The following CCDC125 variants were observed in gnomAD, a reference collection of about 807,000 sequenced individuals.
The protein encoded by CCDC125 is coiled-coil domain-containing protein 125.
CCDC125 carries 43 observed loss-of-function variants against 57.4 expected under a neutral mutation model. That is an observed-to-expected ratio of 0.75 (90% CI 0.59 to 0.97). The LOEUF (loss-of-function observed/expected upper bound fraction) is 0.97. Among genes scored for constraint, CCDC125 ranks in the 50% least tolerant of loss-of-function variants. The pLI is 0.00. For synonymous variants in CCDC125, 187 were observed against 195.2 expected (o/e 0.96, Z 0.35); for missense variants, 563 against 595.7 (o/e 0.95, Z 0.57).
chr5:69,321,788 G>A (rs984638234), intron 1 of CCDC125, among the ~76,000 whole-genome samples: 3 of 152,092 alleles, frequency 2.0e-5, no homozygotes, highest in Admixed American at 6.6e-5. Flanking sequence ...CAATGCACTC[G>A]CACATAAATG....
chr5:69,281,907 T>G lies in CCDC125; in HGVS notation c.*822A>C, dbSNP rs1259131002. 1 of 151,862 alleles carries G rather than the reference T, an allele frequency of 6.6e-6. No individual in the cohort carries two copies. The highest frequency in any genetic ancestry group is 1.5e-5 in the Non-Finnish European group (1 of 67,974). 9.4% of individuals were successfully genotyped at this position (151,862 alleles called of 1,614,324 possible). A position where few individuals can be genotyped will look rare whatever the true frequency, so the allele number is the denominator to read the frequency against. The stretch of plus-strand genomic sequence containing the variant: ...ACTGTAATGTGTTTTTTTTTTTTTT[T>G]GAGACAGAGTTTCGCTCTTGTCGCC... On this transcript the variant is annotated 3_prime_UTR_variant, in exon 12 of 12. Transcript: ENST00000396496.
rs1756138962 is a variant in CCDC125, at chr5:69,300,108, C to T, written c.720G>A (p.Leu240=). The change falls in exon 8 of 12, where the codon TTG becomes TTA. Residue 240 remains leucine (L), a synonymous_variant. Transcript: ENST00000396496. Reference sequence around the variant, plus strand: ...TGATATCAAGCATGGCGAGGGCCTCCAAATACCGTTGATTCAAAACTAGGA... The same window carrying T: ...TGATATCAAGCATGGCGAGGGCCTCTAAATACCGTTGATTCAAAACTAGGA... ...SDNAVLNQRY[L]EALAMLDIKQ... The T allele has an allele frequency of 6.2e-7, 1 of 1,613,834 alleles. No individual in the cohort carries two copies. Among genetic ancestry groups the T allele is most frequent in the African/African-American group, 1.3e-5 (1 of 74,912 alleles).
chr5:69,315,489 GCTCACACCTGTAATCCTAGCAC>G (rs1185443472), intron 2 of CCDC125, among the ~76,000 whole-genome samples: 16 of 59,550 alleles, frequency 2.7e-4, no homozygotes, highest in African/African-American at 5.8e-4. Context: ...AGGTGTGGTG[GCTCACACCTGTAATCCTAGCAC>G]CTTGGGAGGC....
intron 1 of CCDC125, among the ~76,000 whole-genome samples, chr5:69,330,676 C>T (rs1761307880): frequency 6.6e-6 from 1 of 152,106 alleles, no homozygotes; most frequent in Non-Finnish European, 1.5e-5. Context: ...ATCAACTATG[C>T]TCCAAAACAC....
rs748443856 is a variant in CCDC125, at chr5:69,308,026, T to C, written c.456A>G (p.Ala152=). The C allele has an allele frequency of 1.5e-5, 24 of 1,611,902 alleles. No individual in the cohort carries two copies. The East Asian group carries it at 4.7e-4, about 31-fold the overall frequency. The change falls in exon 5 of 12, where the codon GCA becomes GCG. Residue 152 remains alanine, a splice_region_variant and synonymous_variant. Coordinates refer to ENST00000396496, the MANE Select transcript of CCDC125 (RefSeq NM_176816.5). ...EEALKILQSM[A]ILGKATSHTQ... Reference sequence around the variant, plus strand: ...TATGACTTGTGGCTTTGCCCAGTATTGCCTAAGAAAAATAAAACTAGCATC... The same window carrying C: ...TATGACTTGTGGCTTTGCCCAGTATCGCCTAAGAAAAATAAAACTAGCATC...
chr5:69,301,072 C>G (rs68083627), intron 7 of CCDC125, among the ~76,000 whole-genome samples: 1 of 133,430 alleles, frequency 7.5e-6, no homozygotes, highest in Admixed American at 8.0e-5. Context: ...CTAGCCTGGG[C>G]GACAGAGCAA....
chr5:69,290,649 T>C (rs1478006134), intron 10 of CCDC125, among the ~76,000 whole-genome samples: 1 of 142,500 alleles, frequency 7.0e-6, no homozygotes, highest in Non-Finnish European at 1.5e-5. Flanking sequence ...TTTTTTTGTT[T>C]GAGACAGTCT....
chr5:69,284,117 T>A (rs1241244959), intron 11 of CCDC125, among the ~76,000 whole-genome samples: 1 of 151,748 alleles, frequency 6.6e-6, no homozygotes, highest in Non-Finnish European at 1.5e-5. Context: ...AAATAATTTT[T>A]TAAAAAAAAA....
rs1752638722 is a variant in CCDC125 at position 69,282,879 on chromosome 5, T to C, written c.1386A>G (p.Ser462=). 1 of 1,614,180 alleles carries C rather than the reference T, an allele frequency of 6.2e-7. No individual in the cohort carries two copies. Among genetic ancestry groups the C allele is most frequent in the African/African-American group, 1.3e-5 (1 of 75,074 alleles). ...FPFNNPWRKT[S]EFSVLGDPIH... The stretch of plus-strand genomic sequence containing the variant: ...TAGGATCACCCAAAACAGAGAATTC[T>C]GAAGTCTTACGCCAGGGGTTGTTGA... The change falls in exon 12 of 12, where the codon TCA becomes TCG. Residue 462 remains serine, a synonymous_variant. Transcript: ENST00000396496.
At chr5:69,305,607 C>T (rs1473258149) in intron 6 of CCDC125, among the ~76,000 whole-genome samples, 1 of 152,196 alleles carries the variant, frequency 6.6e-6, no homozygotes, top group African/African-American at 2.4e-5. Context: ...TCTGCACCTG[C>T]CGCCAGAAGG....
At chr5:69,307,363 G>A (rs1177379504) in intron 5 of CCDC125, among the ~76,000 whole-genome samples, 1 of 151,398 alleles carries the variant, frequency 6.6e-6, no homozygotes, top group Non-Finnish European at 1.5e-5. Context: ...GCAACGATAA[G>A]GATTTAAAAA....
intron 8 of CCDC125, among the ~76,000 whole-genome samples, chr5:69,298,163 A>G (rs28573355): frequency 0.98 from 149,120 of 151,782 alleles, 73,257 homozygotes; most frequent in East Asian, 1. Context: ...TTACAGGCAT[A>G]CGCCACTACG....
intron 1 of CCDC125, among the ~76,000 whole-genome samples, chr5:69,330,191 G>A (rs1761242887): frequency 6.6e-6 from 1 of 152,064 alleles, no homozygotes; most frequent in South Asian, 2.1e-4. Flanking sequence ...TGTCCTCTAA[G>A]GCTCTTTTTC....
Position 69,300,182 on chromosome 5 carries a change from C to T in CCDC125, c.701-55G>A. Reference sequence around the variant, plus strand: ...TTATGAAGCCTAACTCCACCCTCATCCAATCTAGTTACCCCAACATGACAT... The same window carrying T: ...TTATGAAGCCTAACTCCACCCTCATTCAATCTAGTTACCCCAACATGACAT... On this transcript the variant is annotated intron_variant, in intron 7 of 11. Coordinates refer to ENST00000396496, the MANE Select transcript of CCDC125 (RefSeq NM_176816.5). 3.3e-6 allele frequency: 4 copies of T among 1,214,668 alleles called. No individual in the cohort carries two copies. The South Asian group carries it at 4.8e-5, about 15-fold the overall frequency. 75.2% of individuals were successfully genotyped at this position (1,214,668 alleles called of 1,614,324 possible). A position where few individuals can be genotyped will look rare whatever the true frequency, so the allele number is the denominator to read the frequency against.
At chr5:69,278,626 T>C (rs1179012524), downstream of CCDC125, among the ~76,000 whole-genome samples, 3 of 152,142 alleles carry the variant, frequency 2.0e-5, no homozygotes, top group African/African-American at 7.2e-5. Context: ...TAAGAGTGCA[T>C]GTAGTGAGAT....
chr5:69,303,860 C>T lies in CCDC125; in HGVS notation c.687G>A (p.Lys229=), dbSNP rs1756907202. 2 of 1,595,344 alleles carry T rather than the reference C, an allele frequency of 1.3e-6. No individual in the cohort carries two copies. The highest frequency in any genetic ancestry group is 1.3e-5 in the African/African-American group (1 of 74,552). The change falls in exon 7 of 12, where the codon AAG becomes AAA. Residue 229 remains lysine (K), a synonymous_variant. Transcript: ENST00000396496. ...AATCATCATTACCTGCATTGTCAGA[C>T]TTCAGCATTTTAATTTCTTCTGTTT... ...KVKTEEIKML[K]SDNAVLNQRY... is the part of the protein sequence containing the mutation.
downstream of CCDC125, chr5:69,276,579 C>T: frequency 6.2e-7 from 1 of 1,613,462 alleles, no homozygotes; most frequent in Non-Finnish European, 8.5e-7. Flanking sequence ...TCGGCCAGGG[C>T]CAACACCTGG....
At chr5:69,298,293 C>T (rs544152685) in intron 8 of CCDC125, among the ~76,000 whole-genome samples, 31 of 152,296 alleles carry the variant, frequency 2.0e-4, no homozygotes, top group Non-Finnish European at 3.2e-4. Flanking sequence ...GGATTACAGG[C>T]GTGAGCCACC....
chr5:69,303,931 T>C lies in CCDC125; in HGVS notation c.618-2A>G, dbSNP rs1311552835. 2 of 1,556,656 alleles carry C rather than the reference T, an allele frequency of 1.3e-6. No homozygotes were observed. Among genetic ancestry groups the C allele is most frequent in the Non-Finnish European group, 8.7e-7 (1 of 1,149,130 alleles). On this transcript the variant is annotated splice_acceptor_variant, in intron 6 of 11. Coordinates refer to ENST00000396496, the MANE Select transcript of CCDC125 (RefSeq NM_176816.5). LOFTEE classifies it high-confidence loss of function. ...AGGACTGCATTTTCACAGTTTAGCC[T>C]GGAAAAAAGTGGCTTTCAAATAACT...
Sources: allele counts gnomAD v4.1 joint callset (sites outside exome capture counted in the v4.1 genomes callset), GRCh38; gene constraint gnomAD v4.1.1; transcripts MANE v1.5; gene names NCBI Gene and HGNC (gene_info 2026-07-23, HGNC 2026-07-21).